The following MAML3 variants were observed in gnomAD, a reference collection of about 807,000 sequenced individuals.
MAML3 encodes the protein mastermind like transcriptional coactivator 3.
Under a neutral mutation model 101.9 loss-of-function variants are expected in MAML3, and 27 were observed. That is an observed-to-expected ratio of 0.27 (90% CI 0.20 to 0.37). The LOEUF (loss-of-function observed/expected upper bound fraction) is 0.37. Among genes scored for constraint, MAML3 ranks in the 10% least tolerant of loss-of-function variants. MAML3 has a pLI of 1.00. For missense variants in MAML3, 1,316 were observed against 1,444.9 expected (o/e 0.91, Z 1.45); for synonymous variants, 501 against 555.9 (o/e 0.90, Z 1.39).
In MAML3 at chr4:140,152,963, G is replaced by T. The variant is rs1318746665; in HGVS notation, c.365C>A (p.Ala122Asp). ...SLYQRTLEQR[A>D]KKSGAGTGKQ... ...GCCGGTGCCGGCGCCCGATTTCTTG[G>T]CCCTCTGCTCCAGGGTCCGCTGGTA... Residue 122 changes from alanine (A) to aspartate (D), a missense_variant, in exon 1 of 5, where the codon GCC becomes GAC. Physicochemically the swap from Ala to Asp is moderately radical, Grantham distance 126 (BLOSUM62 -2). Transcript: ENST00000509479. 1 of 1,611,720 alleles carries T rather than the reference G, an allele frequency of 6.2e-7. No homozygotes were observed. The highest frequency in any genetic ancestry group is 1.3e-5 in the African/African-American group (1 of 74,842).
At chr4:139,820,204 A>C (rs1730952106) in intron 2 of MAML3, among the ~76,000 whole-genome samples, 3 of 149,478 alleles carry the variant, frequency 2.0e-5, no homozygotes. Flanking sequence ...TGTGACCCGA[A>C]TGTCATAGAT....
At chr4:139,881,007 G>A (rs981326083) in intron 2 of MAML3, among the ~76,000 whole-genome samples, 4 of 152,132 alleles carry the variant, frequency 2.6e-5, no homozygotes, top group African/African-American at 9.7e-5. Flanking sequence ...CGACTTAGCA[G>A]CTTAGAGAAA....
intron 1 of MAML3, among the ~76,000 whole-genome samples, chr4:139,912,190 AT>A (rs1473789245): frequency 6.6e-6 from 1 of 152,188 alleles, no homozygotes; most frequent in African/African-American, 2.4e-5. Context: ...TTTTGAGACA[AT>A]GAGGAAGGGC....
At chr4:139,930,845 T>C (rs1287158783) in intron 1 of MAML3, among the ~76,000 whole-genome samples, 4 of 152,194 alleles carry the variant, frequency 2.6e-5, no homozygotes, top group Admixed American at 2.0e-4. Flanking sequence ...ACTGATTTCA[T>C]GATTTTTTTT....
intron 1 of MAML3, among the ~76,000 whole-genome samples, chr4:140,115,753 G>A (rs1392849478): frequency 6.6e-6 from 1 of 152,114 alleles, no homozygotes; most frequent in Non-Finnish European, 1.5e-5. Context: ...CATTTGTAGG[G>A]CAAAATCTTA....
At chr4:139,749,035 A>G (rs993873301) in intron 2 of MAML3, among the ~76,000 whole-genome samples, 6 of 152,208 alleles carry the variant, frequency 3.9e-5, no homozygotes, top group Non-Finnish European at 8.8e-5. Flanking sequence ...GGCCCCCCAC[A>G]AACTGCCAAC....
At chr4:139,871,719 T>C (rs990558490) in intron 2 of MAML3, among the ~76,000 whole-genome samples, 11 of 152,228 alleles carry the variant, frequency 7.2e-5, no homozygotes, top group African/African-American at 2.4e-4. Context: ...TTGCACTTTT[T>C]GTTCCTTATT....
intron 1 of MAML3, among the ~76,000 whole-genome samples, chr4:140,040,640 A>C (rs1306010621): frequency 1.3e-5 from 2 of 152,222 alleles, no homozygotes; most frequent in African/African-American, 2.4e-5. Context: ...TGATGAACAA[A>C]AGGACATTAT....
chr4:139,850,626 C>CG (rs1317737596), intron 2 of MAML3, among the ~76,000 whole-genome samples: 1 of 146,196 alleles, frequency 6.8e-6, no homozygotes, highest in African/African-American at 2.5e-5. Context: ...CTCTGCTTTC[C>CG]GGACTTAAAC....
chr4:139,879,921 C>T (rs995942484), intron 2 of MAML3, among the ~76,000 whole-genome samples: 1 of 152,106 alleles, frequency 6.6e-6, no homozygotes. Context: ...GCCTGTAATC[C>T]CAGCACTTTG....
intron 2 of MAML3, among the ~76,000 whole-genome samples, chr4:139,880,517 G>A (rs1732197461): frequency 6.6e-6 from 1 of 152,048 alleles, no homozygotes; most frequent in Admixed American, 6.6e-5. Flanking sequence ...AACCTAAACT[G>A]TTTTCATAGT....
intron 2 of MAML3, among the ~76,000 whole-genome samples, chr4:139,772,426 C>G (rs948097473): frequency 6.6e-6 from 1 of 151,312 alleles, no homozygotes; most frequent in African/African-American, 2.4e-5. Context: ...ACTGCAACCT[C>G]CGCCTCCTGG....
intron 1 of MAML3, among the ~76,000 whole-genome samples, chr4:139,984,568 A>C (rs867986032): frequency 1.3e-5 from 2 of 152,228 alleles, no homozygotes; most frequent in Admixed American, 6.5e-5. Context: ...TACTCTTTCA[A>C]ATATACTATT....
At chr4:140,128,828 G>A (rs1005116109) in intron 1 of MAML3, among the ~76,000 whole-genome samples, 1 of 152,206 alleles carries the variant, frequency 6.6e-6, no homozygotes, top group African/African-American at 2.4e-5. Context: ...CTGTCCTTGA[G>A]GTCAGGGCAG....
At chr4:139,797,120 C>T (rs767585657) in intron 2 of MAML3, among the ~76,000 whole-genome samples, 3 of 152,142 alleles carry the variant, frequency 2.0e-5, no homozygotes, top group African/African-American at 7.2e-5. Context: ...TTTGTTCTTA[C>T]AATTGAACAA....
Position 139,864,674 on chromosome 4 carries a change from CAAAAAAAA to C in MAML3, c.2079+24675_2079+24682del, listed in dbSNP as rs70943450. On this transcript the variant is annotated intron_variant, in intron 2 of 4. Transcript: ENST00000509479. ...CTGGCGACAGAGCGAGGCTCCGTCT[CAAAAAAAA>C]AAAAAAAAAAAAAAAAAGAAAAAGA... 1.4e-4 allele frequency among the ~76,000 whole-genome samples: 10 copies of C among 69,502 alleles called. No homozygotes were observed. In the East Asian group the frequency reaches 2.2e-3, roughly 15 times the overall value. The allele number at this position is 69,502 out of a possible 152,430, so 45.6% of individuals were successfully genotyped here.
chr4:140,113,055 G>A (rs1388673266), intron 1 of MAML3, among the ~76,000 whole-genome samples: 1 of 152,034 alleles, frequency 6.6e-6, no homozygotes, highest in African/African-American at 2.4e-5. Context: ...CAAGGCGGGC[G>A]GATCACAGGG....
intron 1 of MAML3, among the ~76,000 whole-genome samples, chr4:139,920,916 T>G (rs757268010): frequency 1.3e-5 from 2 of 152,180 alleles, no homozygotes; most frequent in African/African-American, 4.8e-5. Context: ...ATCTGGAGAA[T>G]AGGCCCTTGC....
chr4:139,767,749 T>C (rs746499176), intron 2 of MAML3, among the ~76,000 whole-genome samples: 17 of 152,262 alleles, frequency 1.1e-4, no homozygotes, highest in African/African-American at 4.1e-4. Context: ...TAGATTAGCA[T>C]GAAAGTGCAT....
Sources: allele counts gnomAD v4.1 joint callset (sites outside exome capture counted in the v4.1 genomes callset), GRCh38; gene constraint gnomAD v4.1.1; transcripts MANE v1.5; gene names NCBI Gene and HGNC (gene_info 2026-07-23, HGNC 2026-07-21).